The following PCDHGB2 variants were observed in gnomAD, a reference collection of about 807,000 sequenced individuals.
PCDHGB2 encodes protocadherin gamma subfamily B, 2, also known as protocadherin gamma-B2.
PCDHGB2 carries 55 observed loss-of-function variants against 59.3 expected under a neutral mutation model. That is an observed-to-expected ratio of 0.93 (90% confidence interval 0.75 to 1.16). The LOEUF is 1.16. Among genes scored for constraint, PCDHGB2 ranks in the 50% most tolerant of loss-of-function variants. The pLI, the probability that PCDHGB2 is intolerant of heterozygous loss-of-function variation, is 0.00. For missense variants in PCDHGB2, 1,228 were observed against 1,198.5 expected, an observed-to-expected ratio of 1.02 and a Z score of -0.36; for synonymous variants, 516 against 512.0, an observed-to-expected ratio of 1.01 and a Z score of -0.11.
intron 1 of PCDHGB2, chr5:141,383,514 G>C (rs778204328): frequency 6.2e-7 from 1 of 1,612,718 alleles, no homozygotes; most frequent in African/African-American, 1.3e-5. Context: ...GGGAGGAAGA[G>C]CGGGTTCACC....
rs773624580 is a variant in PCDHGB2 at position 141,489,715 on chromosome 5, G to A, written c.2422-5092G>A. On this transcript the variant is annotated intron_variant, in intron 1 of 3. Transcript: ENST00000522605. The surrounding 1 kb of genome is among the most constrained non-coding windows in gnomAD (Gnocchi z 4.5). ...ACGATTCCCACTGGACAGTGCCCAG[G>A]ATCCGGATGTGGGCACCAATACTGT... The A allele has an allele frequency of 6.2e-6, 10 of 1,614,004 alleles. No homozygotes were observed. The highest frequency in any genetic ancestry group is 2.2e-5 in the East Asian group (1 of 44,886).
At chr5:141,413,257 T>C (rs777964429) in intron 1 of PCDHGB2, 3 of 1,613,954 alleles carry the variant, frequency 1.9e-6, no homozygotes, top group African/African-American at 1.3e-5. Flanking sequence ...CGGGATTCCA[T>C]GGGAGGCTGG....
At chr5:141,370,783 C>G in intron 1 of PCDHGB2, 2 of 1,614,010 alleles carry the variant, frequency 1.2e-6, no homozygotes, top group African/African-American at 1.3e-5. Flanking sequence ...AACGACAACC[C>G]ACCGACCTTT....
chr5:141,420,492 TC>T (rs1172385190), intron 1 of PCDHGB2: 8 of 508,012 alleles, frequency 1.6e-5, no homozygotes, highest in Non-Finnish European at 1.8e-5. Flanking sequence ...ATGGGTAATC[TC>T]CGGTGACATT....
At chr5:141,410,124 G>T in intron 1 of PCDHGB2, 1 of 1,612,726 alleles carries the variant, frequency 6.2e-7, no homozygotes, top group South Asian at 1.1e-5. Flanking sequence ...GCCCGCCAGC[G>T]CCTGCTGGTC....
intron 1 of PCDHGB2, chr5:141,365,218 C>T: frequency 1.2e-6 from 2 of 1,613,898 alleles, no homozygotes; most frequent in Non-Finnish European, 1.7e-6. Context: ...AACTTGATTC[C>T]AACCTGGGGG....
rs1394490963 is a variant in PCDHGB2 at position 141,393,307 on chromosome 5, A to G, written c.2421+30751A>G. On this transcript the variant is annotated intron_variant, in intron 1 of 3. Coordinates refer to ENST00000522605, the MANE Select transcript of PCDHGB2 (RefSeq NM_018923.3). ...GCTGTTGACCCGGATGTGGGCGTGAACTCCCTCCAGAGCTACCAGCTCAGC... is the reference window on the plus strand; with the variant it reads ...GCTGTTGACCCGGATGTGGGCGTGAGCTCCCTCCAGAGCTACCAGCTCAGC... 4 of 1,613,476 alleles carry G rather than the reference A, an allele frequency of 2.5e-6. No homozygotes were observed. The highest frequency in any genetic ancestry group is 3.3e-5 in the Admixed American group (2 of 59,966).
rs1395643318 is a variant in PCDHGB2, at chr5:141,361,178, T to C, written c.1043T>C (p.Ile348Thr). ...LDDNDCAPEVIVTSVSTPLPE... is the reference protein window; with the variant it reads ...LDDNDCAPEVTVTSVSTPLPE... The stretch of plus-strand genomic sequence containing the variant: ...GACAACGATTGTGCACCTGAAGTTA[T>C]TGTGACTTCAGTATCTACTCCCCTA... Residue 348 changes from isoleucine to threonine, a missense_variant, in exon 1 of 4, where the codon ATT becomes ACT. This residue lies in a region of PCDHGB2 where 781 missense variants were observed against 721.6 expected (regional missense o/e 1.08). Coordinates refer to ENST00000522605, the MANE Select transcript of PCDHGB2 (RefSeq NM_018923.3). The C allele has an allele frequency of 1.9e-6, 3 of 1,613,812 alleles. No homozygotes were observed. The highest frequency in any genetic ancestry group is 1.7e-6 in the Non-Finnish European group (2 of 1,179,868).
At chr5:141,385,831 G>A (rs1317215192) in intron 1 of PCDHGB2, 1 of 154,298 alleles carries the variant, frequency 6.5e-6, no homozygotes, top group Non-Finnish European at 1.4e-5. Flanking sequence ...CCTATTTACA[G>A]TATAATCATT....
Position 141,431,253 on chromosome 5 carries a change from A to G in PCDHGB2, c.2422-63554A>G, listed in dbSNP as rs1554123268. The G allele has an allele frequency of 1.2e-6, 2 of 1,614,132 alleles. No individual in the cohort carries two copies. Among genetic ancestry groups the G allele is most frequent in the South Asian group, 1.1e-5 (1 of 91,088 alleles). ...GCCTGGGATCCGGATATCGGGAAGA[A>G]CTCTCTGCAGAGCTACGAGCTCAGC... is the stretch of plus-strand genomic sequence containing the variant. On this transcript the variant is annotated intron_variant, in intron 1 of 3. Transcript: ENST00000522605. The surrounding 1 kb of genome is among the most constrained non-coding windows in gnomAD (Gnocchi z 4.8).
chr5:141,422,205 A>G (rs758255761), intron 1 of PCDHGB2: 2 of 1,562,218 alleles, frequency 1.3e-6, no homozygotes, highest in Non-Finnish European at 1.7e-6. Flanking sequence ...AAGATGGTGG[A>G]GGTCTCTTTA....
At chr5:141,399,915 C>T in intron 1 of PCDHGB2, 1 of 1,612,364 alleles carries the variant, frequency 6.2e-7, no homozygotes, top group Non-Finnish European at 8.5e-7. Flanking sequence ...ACTCAGGACA[C>T]AACGCCTGGC....
intron 1 of PCDHGB2, chr5:141,441,621 G>T: frequency 4.5e-6 from 1 of 223,408 alleles, no homozygotes; most frequent in South Asian, 5.2e-5. Context: ...CGTGGCCAGT[G>T]ACCTGGAGCC....
intron 1 of PCDHGB2, chr5:141,415,073 C>G: frequency 1.9e-6 from 3 of 1,613,434 alleles, no homozygotes; most frequent in Non-Finnish European, 2.5e-6. Flanking sequence ...GTGCGCACGG[C>G]GCGAGCCCTG....
chr5:141,415,496 T>C, intron 1 of PCDHGB2: 1 of 1,614,070 alleles, frequency 6.2e-7, no homozygotes. Flanking sequence ...CACCTGATCT[T>C]CCCCCAGCCC....
chr5:141,402,897 C>T (rs1177256058), intron 1 of PCDHGB2: 6 of 1,508,528 alleles, frequency 4.0e-6, no homozygotes, highest in Admixed American at 4.7e-5. Flanking sequence ...AAGAAAGAAC[C>T]TGATGAAGCA....
chr5:141,476,716 C>T lies in PCDHGB2; in HGVS notation c.2422-18091C>T. On this transcript the variant is annotated intron_variant, in intron 1 of 3. Transcript: ENST00000522605. This position sits in a 1 kb window ranked among gnomAD's most constrained non-coding sequence, Gnocchi z 7.6. ...AGTACGCGGAGCTGGTGTTGGAGCG[C>T]GCCCTGGACCGAGAACGGGAGCCTA... 15 of 1,614,148 alleles carry T rather than the reference C, an allele frequency of 9.3e-6. No homozygotes were observed. The highest frequency in any genetic ancestry group is 1.3e-5 in the Non-Finnish European group (15 of 1,180,036).
At position 141,505,383 on chromosome 5, in the gene PCDHGB2, C is replaced by G. The variant is rs369765886; in HGVS notation, c.2481-10C>G. On this transcript the variant is annotated splice_polypyrimidine_tract_variant and intron_variant, in intron 2 of 3. Transcript: ENST00000522605. ...GGGAGTCTGTGCTCACCATCCTACT[C>G]TCTCCCCAGCTCCCAAAATGGCGAT... The G allele has an allele frequency of 6.2e-7, 1 of 1,613,944 alleles. No homozygotes were observed. The highest frequency in any genetic ancestry group is 1.3e-5 in the African/African-American group (1 of 74,914).
At position 141,477,056 on chromosome 5, in the gene PCDHGB2, G is replaced by T; in HGVS notation, c.2422-17751G>T. 6.2e-7 allele frequency: 1 copy of T among 1,614,242 alleles called. No homozygotes were observed. The highest frequency in any genetic ancestry group is 8.5e-7 in the Non-Finnish European group (1 of 1,180,046). Reference sequence around the variant, plus strand: ...AATCAAGGGTCGGCTGGACTTCGAGGACACCAAACTCCATGAGATTTACAT... The same window carrying T: ...AATCAAGGGTCGGCTGGACTTCGAGTACACCAAACTCCATGAGATTTACAT... On this transcript the variant is annotated intron_variant, in intron 1 of 3. Coordinates refer to ENST00000522605, the MANE Select transcript of PCDHGB2 (RefSeq NM_018923.3). This position sits in a 1 kb window ranked among gnomAD's most constrained non-coding sequence, Gnocchi z 4.9.
Sources: gnomAD v4.1 joint callset for allele counts on GRCh38, gnomAD v4.1.1 for gene constraint, gnomAD v4.1.1 regional missense constraint, Gnocchi (gnomAD v3.1) non-coding constraint, MANE v1.5 for transcripts, NCBI Gene and HGNC (gene_info 2026-07-23, HGNC 2026-07-21) for gene names.